The following C10orf143 variants were observed in gnomAD, a reference collection of about 807,000 sequenced individuals.
C10orf143 encodes uncharacterized protein C10orf143.
At chr10:130,053,678 G>A (rs989215242) in intron 3 of C10orf143, among the ~76,000 whole-genome samples, 5 of 152,232 alleles carry the variant, frequency 3.3e-5, no homozygotes, top group African/African-American at 1.2e-4. Context: ...AGGGCTCCTC[G>A]AAAGCCAGGA....
chr10:130,103,819 AC>A (rs1193993785), intron 1 of C10orf143, among the ~76,000 whole-genome samples: 1 of 151,940 alleles, frequency 6.6e-6, no homozygotes, highest in East Asian at 1.9e-4. Context: ...CAAAAAGAAA[AC>A]AAAAAAAAAA....
intron 3 of C10orf143, among the ~76,000 whole-genome samples, chr10:130,046,651 G>A (rs1860677080): frequency 1.3e-5 from 2 of 152,240 alleles, no homozygotes; most frequent in Admixed American, 6.5e-5. Context: ...ATAGGAAGCC[G>A]GCCATGCTCC....
rs180967597 is a variant in C10orf143 at position 130,089,903 on chromosome 10, T to C, written c.70-10002A>G. ...ACATATATCATGCACAAAAATTAAC[T>C]TGAAATGGATCAGAAGCCTAAATGT... On this transcript the variant is annotated intron_variant, in intron 1 of 3. Transcript: ENST00000637128. Among the ~76,000 whole-genome samples, 6 of 152,268 alleles carry C rather than the reference T, an allele frequency of 3.9e-5. No homozygotes were observed. The East Asian group carries it at 1.2e-3, about 29-fold the overall frequency.
intron 1 of C10orf143, chr10:130,107,353 T>C (rs1161587698): frequency 1.9e-6 from 2 of 1,078,030 alleles, no homozygotes; most frequent in Non-Finnish European, 2.9e-6. Context: ...CCAAAGATCT[T>C]GAAGAAGAAT....
chr10:130,038,848 G>A (rs897593573), intron 3 of C10orf143, among the ~76,000 whole-genome samples: 3 of 152,220 alleles, frequency 2.0e-5, no homozygotes, highest in Non-Finnish European at 2.9e-5. Context: ...CTAAGCTGGA[G>A]GAGGCGGAGA....
At chr10:130,045,729 C>T (rs1390779723) in intron 3 of C10orf143, among the ~76,000 whole-genome samples, 1 of 152,254 alleles carries the variant, frequency 6.6e-6, no homozygotes, top group Non-Finnish European at 1.5e-5. Context: ...AAGTCACAGC[C>T]ACGTCCCGCC....
chr10:130,053,784 T>C (rs1293680125), intron 3 of C10orf143, among the ~76,000 whole-genome samples: 2 of 152,172 alleles, frequency 1.3e-5, no homozygotes, highest in African/African-American at 4.8e-5. Context: ...CAAGGAAGCT[T>C]TGTCAGAGTC....
At chr10:130,050,683 T>C (rs1860726962) in intron 3 of C10orf143, among the ~76,000 whole-genome samples, 1 of 152,230 alleles carries the variant, frequency 6.6e-6, no homozygotes, top group African/African-American at 2.4e-5. Flanking sequence ...AGGGAGCATC[T>C]GAGTTCATTT....
intron 3 of C10orf143, among the ~76,000 whole-genome samples, chr10:130,071,934 A>T (rs914454717): frequency 6.6e-6 from 1 of 152,120 alleles, no homozygotes; most frequent in African/African-American, 2.4e-5. Flanking sequence ...GTCATATTCT[A>T]TATTTTCTAC....
At chr10:130,100,957 T>C (rs1168982992) in intron 1 of C10orf143, 1 of 151,950 alleles carries the variant, frequency 6.6e-6, no homozygotes, top group African/African-American at 2.4e-5. Context: ...GTGGCTTACA[T>C]CTATAATCCC....
chr10:130,067,725 T>C lies in C10orf143; in HGVS notation c.298-3342A>G, dbSNP rs1293569241. The C allele has an allele frequency of 2.0e-5, 3 of 152,194 alleles. No homozygotes were observed. In the East Asian group the frequency reaches 5.8e-4, roughly 29 times the overall value. The allele number at this position is 152,194 out of a possible 1,614,324, so 9.4% of individuals were successfully genotyped here. A position where few individuals can be genotyped will look rare whatever the true frequency, so the allele number is the denominator to read the frequency against. ...GTCTTTACCAGCATGCATCTTTGTATGATGAAATGTCTTTAGAGCACCTGC... is the reference window on the plus strand; with the variant it reads ...GTCTTTACCAGCATGCATCTTTGTACGATGAAATGTCTTTAGAGCACCTGC... On this transcript the variant is annotated intron_variant, in intron 3 of 3. Coordinates refer to ENST00000637128, the MANE Select transcript of C10orf143 (RefSeq NM_001355042.2).
At chr10:130,109,964 G>C in intron 1 of C10orf143, among the ~76,000 whole-genome samples, 1 of 152,234 alleles carries the variant, frequency 6.6e-6, no homozygotes, top group African/African-American at 2.4e-5. Context: ...AGAGGTGGAA[G>C]ATAAAATACA....
chr10:130,089,120 G>C (rs993579414), intron 1 of C10orf143, among the ~76,000 whole-genome samples: 1 of 152,168 alleles, frequency 6.6e-6, no homozygotes, highest in Non-Finnish European at 1.5e-5. Context: ...TGAATTCTAG[G>C]GGAGTGAGTT....
intron 1 of C10orf143, among the ~76,000 whole-genome samples, chr10:130,085,254 T>G (rs1034533262): frequency 2.0e-4 from 30 of 152,308 alleles, no homozygotes; most frequent in African/African-American, 6.7e-4. Flanking sequence ...AAGATTCGTA[T>G]TAATTGTAAA....
At chr10:130,110,353 C>T (rs775712936) in intron 1 of C10orf143, among the ~76,000 whole-genome samples, 1 of 152,190 alleles carries the variant, frequency 6.6e-6, no homozygotes, top group Non-Finnish European at 1.5e-5. Flanking sequence ...GTGTAGACGG[C>T]AGGAGAAGAC....
chr10:130,061,918 G>A (rs1466901234), downstream of C10orf143, among the ~76,000 whole-genome samples: 1 of 152,100 alleles, frequency 6.6e-6, no homozygotes, highest in Non-Finnish European at 1.5e-5. Context: ...GGCCAGGGAT[G>A]ACTCTGGAGC....
chr10:130,088,159 G>C (rs1036219684), intron 1 of C10orf143, among the ~76,000 whole-genome samples: 4 of 152,206 alleles, frequency 2.6e-5, no homozygotes, highest in African/African-American at 9.7e-5. Context: ...AAGGCGGGTG[G>C]ATCACCTGAG....
chr10:130,047,020 A>G (rs922321988), intron 3 of C10orf143, among the ~76,000 whole-genome samples: 9 of 152,254 alleles, frequency 5.9e-5, no homozygotes, highest in African/African-American at 2.2e-4. Context: ...CGTTCACACT[A>G]TAATCCAGGT....
intron 3 of C10orf143, among the ~76,000 whole-genome samples, chr10:130,071,371 TG>T (rs544091039): frequency 1.3e-3 from 199 of 152,334 alleles, no homozygotes; most frequent in African/African-American, 4.5e-3. Context: ...GCTAATTTGA[TG>T]GTTTAATTTG....
Sources: gnomAD v4.1 joint callset for allele counts (sites outside exome capture counted in the v4.1 genomes callset) on GRCh38, gnomAD v4.1.1 for gene constraint, MANE v1.5 for transcripts, NCBI Gene and HGNC (gene_info 2026-07-23, HGNC 2026-07-21) for gene names.